The following SNTG1 variants were observed in gnomAD, a reference collection of about 807,000 sequenced individuals.
SNTG1 encodes syntrophin gamma 1, also known as gamma-1-syntrophin.
Under a neutral mutation model 74.7 loss-of-function variants are expected in SNTG1, and 39 were observed. The ratio of observed to expected loss-of-function variants is 0.52; its 90% CI spans 0.40 to 0.68. The LOEUF is 0.68. Ranked by LOEUF, SNTG1 falls within the 30% of genes least tolerant of loss-of-function variation. SNTG1 has a pLI of 0.00. For missense variants in SNTG1, 685 were observed against 609.5 expected (o/e 1.12, Z -1.30); for synonymous variants, 254 against 217.1 (o/e 1.17, Z -1.49).
chr8:50,414,200 T>C (rs2092986432), intron 4 of SNTG1, among the ~76,000 whole-genome samples: 1 of 152,208 alleles, frequency 6.6e-6, no homozygotes, highest in Admixed American at 6.5e-5. Context: ...AGATAGAATT[T>C]ACAATTAGTT....
chr8:50,071,579 A>C (rs1381199621), intron 1 of SNTG1, among the ~76,000 whole-genome samples: 1 of 152,108 alleles, frequency 6.6e-6, no homozygotes, highest in East Asian at 1.9e-4. Context: ...CCCAGGTTCA[A>C]GAGATTCTCC....
intron 13 of SNTG1, among the ~76,000 whole-genome samples, chr8:50,592,655 T>C (rs1436884124): frequency 6.6e-6 from 1 of 152,246 alleles, no homozygotes; most frequent in African/African-American, 2.4e-5. Context: ...TATGTAAGCA[T>C]AGATGTTCAT....
chr8:49,949,957 T>A (rs1402248270), intron 1 of SNTG1, among the ~76,000 whole-genome samples: 4 of 152,158 alleles, frequency 2.6e-5, no homozygotes, highest in African/African-American at 9.7e-5. Flanking sequence ...TGAAACCTCA[T>A]CTCTAATAAA....
At chr8:50,562,317 T>C (rs553631038) in intron 12 of SNTG1, among the ~76,000 whole-genome samples, 5 of 152,314 alleles carry the variant, frequency 3.3e-5, no homozygotes, top group African/African-American at 7.2e-5. Context: ...ATGGGGAAAT[T>C]AGCCTAGATT....
At chr8:50,600,632 G>C (rs1278022591) in intron 13 of SNTG1, among the ~76,000 whole-genome samples, 5 of 151,962 alleles carry the variant, frequency 3.3e-5, no homozygotes, top group Non-Finnish European at 5.9e-5. Flanking sequence ...TGTGGTATCA[G>C]TTGTAATTAG....
rs559023673 is a variant in SNTG1, at chr8:50,695,165, T to A, written c.1039-9435T>A. Reference sequence around the variant, plus strand: ...AAATTGTCCCTGTTTGCAGGTGATATGATCTTATATGTAAAAAAAAACCCA... The same window carrying A: ...AAATTGTCCCTGTTTGCAGGTGATAAGATCTTATATGTAAAAAAAAACCCA... On this transcript the variant is annotated intron_variant, in intron 15 of 18. Coordinates refer to ENST00000642720, the MANE Select transcript of SNTG1 (RefSeq NM_018967.5). Among the ~76,000 whole-genome samples the A allele has an allele frequency of 1.8e-4, 28 of 151,670 alleles. 1 individual carries two copies. The South Asian group carries it at 5.6e-3, about 30-fold the overall frequency.
intron 2 of SNTG1, among the ~76,000 whole-genome samples, chr8:50,209,116 A>G (rs2084387592): frequency 6.6e-6 from 1 of 152,074 alleles, no homozygotes; most frequent in African/African-American, 2.4e-5. Flanking sequence ...ATGGAGCCTC[A>G]CTCACTGCTA....
At chr8:49,912,499 T>A (rs1228376059) in intron 1 of SNTG1, among the ~76,000 whole-genome samples, 1 of 152,236 alleles carries the variant, frequency 6.6e-6, no homozygotes, top group Non-Finnish European at 1.5e-5. Context: ...ATCTTGTTTA[T>A]TTTTTCCCAA....
chr8:50,768,599 A>G (rs2095619505), intron 18 of SNTG1, among the ~76,000 whole-genome samples: 1 of 152,038 alleles, frequency 6.6e-6, no homozygotes, highest in Non-Finnish European at 1.5e-5. Context: ...ATCAGCTTTC[A>G]GTCTATCTGG....
At chr8:50,750,921 C>A (rs144120539) in intron 17 of SNTG1, among the ~76,000 whole-genome samples, 2 of 151,910 alleles carry the variant, frequency 1.3e-5, no homozygotes, top group Non-Finnish European at 2.9e-5. Flanking sequence ...CCGAGGTATG[C>A]CCGTATATGC....
rs1341633485 is a variant in SNTG1, at chr8:50,192,308, T to C, written c.-28+19673T>C. 2.6e-5 allele frequency among the ~76,000 whole-genome samples: 4 copies of C among 152,274 alleles called. No homozygotes were observed. The East Asian group carries it at 5.8e-4, about 22-fold the overall frequency. On this transcript the variant is annotated intron_variant, in intron 2 of 18. Coordinates refer to ENST00000642720, the MANE Select transcript of SNTG1 (RefSeq NM_018967.5). Reference sequence around the variant, plus strand: ...CATCTGCTTTTTAGGTTTGAGAAATTTACTTGCTTTCTTTGGTCCTTAGTT... The same window carrying C: ...CATCTGCTTTTTAGGTTTGAGAAATCTACTTGCTTTCTTTGGTCCTTAGTT...
intron 11 of SNTG1, among the ~76,000 whole-genome samples, chr8:50,552,546 A>C (rs1462960447): frequency 6.6e-6 from 1 of 152,192 alleles, no homozygotes; most frequent in East Asian, 1.9e-4. Flanking sequence ...GAACAGACTG[A>C]GAATGAGGGT....
intron 1 of SNTG1, among the ~76,000 whole-genome samples, chr8:50,115,567 C>CA (rs11386539): frequency 0.31 from 12,660 of 40,572 alleles, 2,836 homozygotes; most frequent in South Asian, 0.64. Flanking sequence ...GACTCTGTCT[C>CA]AAAAAAAAAA....
intron 8 of SNTG1, among the ~76,000 whole-genome samples, chr8:50,469,449 A>G (rs2093634364): frequency 6.6e-6 from 1 of 152,084 alleles, no homozygotes; most frequent in African/African-American, 2.4e-5. Context: ...AACCTTCCAG[A>G]GGCTTCCCAG....
intron 18 of SNTG1, among the ~76,000 whole-genome samples, chr8:50,784,915 T>C (rs7832281): frequency 0.092 from 13,995 of 151,990 alleles, 1,894 homozygotes; most frequent in African/African-American, 0.3. Flanking sequence ...TTGAAACATA[T>C]GCAAATATGA....
intron 2 of SNTG1, among the ~76,000 whole-genome samples, chr8:50,285,372 G>T (rs2088709214): frequency 6.6e-6 from 1 of 152,048 alleles, no homozygotes; most frequent in Non-Finnish European, 1.5e-5. Context: ...TGTTTTGTGT[G>T]CTCTAGGTAT....
chr8:50,756,176 C>T lies in SNTG1; in HGVS notation c.1395+4065C>T, dbSNP rs2095579982. On this transcript the variant is annotated intron_variant, in intron 18 of 18. Coordinates refer to ENST00000642720, the MANE Select transcript of SNTG1 (RefSeq NM_018967.5). ...CATCTTTTATCTGCTATGTTGTCTGCAAATATTTTTGTCCAATCTGCAGTG... is the reference window on the plus strand; with the variant it reads ...CATCTTTTATCTGCTATGTTGTCTGTAAATATTTTTGTCCAATCTGCAGTG... Among the ~76,000 whole-genome samples the T allele has an allele frequency of 2.0e-5, 3 of 151,888 alleles. No individual in the cohort carries two copies. The South Asian group carries it at 6.2e-4, about 32-fold the overall frequency.
At chr8:50,542,700 A>G (rs895643743) in intron 11 of SNTG1, among the ~76,000 whole-genome samples, 9 of 152,136 alleles carry the variant, frequency 5.9e-5, no homozygotes, top group African/African-American at 2.2e-4. Flanking sequence ...ACTAATTTAC[A>G]TTTTCACCAA....
chr8:50,634,930 A>G (rs2095029077), intron 13 of SNTG1, among the ~76,000 whole-genome samples: 6 of 152,194 alleles, frequency 3.9e-5, no homozygotes, highest in Admixed American at 3.9e-4. Flanking sequence ...ATTACATATT[A>G]TGTAACTTTT....
Sources: allele counts gnomAD v4.1 joint callset (sites outside exome capture counted in the v4.1 genomes callset), GRCh38; gene constraint gnomAD v4.1.1; transcripts MANE v1.5; gene names NCBI Gene and HGNC (gene_info 2026-07-23, HGNC 2026-07-21).